The following LRMDA variants were observed in gnomAD, a reference collection of about 807,000 sequenced individuals.
The protein encoded by LRMDA is leucine rich melanocyte differentiation associated.
In LRMDA, 18 loss-of-function variants were observed where a neutral mutation model predicts 29.8. The observed-to-expected ratio is 0.60, with a 90% CI of 0.42 to 0.90. The LOEUF is 0.90. Among genes scored for constraint, LRMDA ranks in the 40% least tolerant of loss-of-function variants. The pLI is 0.00. For synonymous variants in LRMDA, 125 were observed against 109.4 expected (o/e 1.14, Z -0.89); for missense variants, 273 against 273.9 (o/e 1.00, Z 0.02).
In LRMDA at chr10:75,838,936, A is replaced by G. The variant is rs541688102; in HGVS notation, c.132-197072A>G. On this transcript the variant is annotated intron_variant, in intron 2 of 6. Coordinates refer to ENST00000611255, the MANE Select transcript of LRMDA (RefSeq NM_001305581.2). ...AGTAGGTGGGAGAGCACAACTTGATATGGCCAGTGGCAATCCAACCCCAAA... is the reference window on the plus strand; with the variant it reads ...AGTAGGTGGGAGAGCACAACTTGATGTGGCCAGTGGCAATCCAACCCCAAA... Among the ~76,000 whole-genome samples the G allele has an allele frequency of 4.3e-4, 65 of 152,306 alleles. No homozygotes were observed. In the South Asian group the frequency reaches 0.013, roughly 30 times the overall value.
At chr10:76,141,014 A>G (rs1335003604) in intron 5 of LRMDA, among the ~76,000 whole-genome samples, 1 of 152,094 alleles carries the variant, frequency 6.6e-6, no homozygotes, top group Non-Finnish European at 1.5e-5. Flanking sequence ...TCCCCTAAGA[A>G]GAGGGCAGTA....
intron 2 of LRMDA, among the ~76,000 whole-genome samples, chr10:75,996,145 T>C (rs1847457844): frequency 1.3e-5 from 2 of 152,324 alleles, no homozygotes; most frequent in South Asian, 4.1e-4. Context: ...AGAGTGATAG[T>C]GATAAAAATT....
At chr10:75,866,078 C>A (rs987035860) in intron 2 of LRMDA, among the ~76,000 whole-genome samples, 5 of 152,160 alleles carry the variant, frequency 3.3e-5, no homozygotes, top group Admixed American at 6.5e-5. Flanking sequence ...TTTATTTCTT[C>A]TCTTCTATTC....
At chr10:75,894,055 G>A (rs982620667) in intron 2 of LRMDA, among the ~76,000 whole-genome samples, 2 of 151,514 alleles carry the variant, frequency 1.3e-5, no homozygotes, top group Non-Finnish European at 2.9e-5. Flanking sequence ...ATAAGTTATT[G>A]GGGGTACAGG....
At chr10:75,713,943 C>T (rs1158233589) in intron 2 of LRMDA, among the ~76,000 whole-genome samples, 1 of 151,984 alleles carries the variant, frequency 6.6e-6, no homozygotes, top group East Asian at 1.9e-4. Flanking sequence ...TTTTATTTTT[C>T]TTAAAGTTTG....
chr10:76,162,900 G>A (rs1365239469), intron 5 of LRMDA, among the ~76,000 whole-genome samples: 1 of 152,152 alleles, frequency 6.6e-6, no homozygotes, highest in Non-Finnish European at 1.5e-5. Context: ...AGAAAGGAAT[G>A]AAAGGGAAAG....
chr10:75,527,122 A>G (rs1845422625), intron 2 of LRMDA, among the ~76,000 whole-genome samples: 1 of 152,122 alleles, frequency 6.6e-6, no homozygotes, highest in South Asian at 2.1e-4. Flanking sequence ...AAATGGAATT[A>G]TACAGTATGT....
At chr10:75,746,755 C>T (rs1466153869) in intron 2 of LRMDA, among the ~76,000 whole-genome samples, 1 of 151,618 alleles carries the variant, frequency 6.6e-6, no homozygotes, top group Non-Finnish European at 1.5e-5. Flanking sequence ...TTTGACATGG[C>T]CCTTATGGAA....
At chr10:75,548,108 A>G (rs1387288150) in intron 2 of LRMDA, among the ~76,000 whole-genome samples, 2 of 152,124 alleles carry the variant, frequency 1.3e-5, no homozygotes, top group East Asian at 3.9e-4. Flanking sequence ...AAGAAAAAAA[A>G]AAAAACACAA....
intron 2 of LRMDA, among the ~76,000 whole-genome samples, chr10:75,784,507 G>A (rs1389067416): frequency 6.6e-6 from 1 of 152,024 alleles, no homozygotes; most frequent in East Asian, 1.9e-4. Flanking sequence ...AGATCATCCT[G>A]GCTAACACGG....
At chr10:75,813,100 A>T (rs1843992609) in intron 2 of LRMDA, among the ~76,000 whole-genome samples, 1 of 152,180 alleles carries the variant, frequency 6.6e-6, no homozygotes, top group South Asian at 2.1e-4. Context: ...CAAGTGAGGG[A>T]TCACTCACGG....
chr10:76,216,852 T>C (rs1314777272), intron 5 of LRMDA, among the ~76,000 whole-genome samples: 2 of 152,206 alleles, frequency 1.3e-5, no homozygotes, highest in African/African-American at 4.8e-5. Context: ...AATACTCTTT[T>C]TCGTACCTAA....
intron 2 of LRMDA, among the ~76,000 whole-genome samples, chr10:75,754,069 T>C (rs1842997843): frequency 6.6e-6 from 1 of 152,240 alleles, no homozygotes; most frequent in Non-Finnish European, 1.5e-5. Flanking sequence ...GCCTGGATTT[T>C]ATTCTTCTGT....
intron 5 of LRMDA, among the ~76,000 whole-genome samples, chr10:76,075,213 TAGAG>T (rs1267226454): frequency 6.6e-6 from 1 of 152,202 alleles, no homozygotes; most frequent in Non-Finnish European, 1.5e-5. Context: ...CATTTGGAAG[TAGAG>T]AGCCTTTAAA....
At chr10:76,521,580 T>G (rs1843121760) in intron 6 of LRMDA, among the ~76,000 whole-genome samples, 1 of 152,204 alleles carries the variant, frequency 6.6e-6, no homozygotes, top group South Asian at 2.1e-4. Flanking sequence ...CTTTGGGGAA[T>G]TAGTTCCTTA....
chr10:76,213,817 T>C (rs182682471), intron 5 of LRMDA, among the ~76,000 whole-genome samples: 4 of 152,348 alleles, frequency 2.6e-5, no homozygotes, highest in East Asian at 1.9e-4. Context: ...GGGGACATCA[T>C]TGGAGCTTCC....
chr10:76,378,458 A>T (rs1841547550), intron 6 of LRMDA, among the ~76,000 whole-genome samples: 1 of 152,158 alleles, frequency 6.6e-6, no homozygotes, highest in Admixed American at 6.5e-5. Context: ...GTTTAGTCCC[A>T]GTTCTTAGGG....
At chr10:76,430,625 C>T (rs1051884447) in intron 6 of LRMDA, among the ~76,000 whole-genome samples, 9 of 152,132 alleles carry the variant, frequency 5.9e-5, no homozygotes, top group Non-Finnish European at 1.2e-4. Flanking sequence ...CCTAGGGAAC[C>T]ACAGTGAGTG....
chr10:76,498,578 G>A (rs1842891681), intron 6 of LRMDA, among the ~76,000 whole-genome samples: 1 of 76,196 alleles, frequency 1.3e-5, no homozygotes, highest in African/African-American at 3.2e-5. Context: ...TGTCAGCTGG[G>A]TCAATCCATT....
Sources: allele counts gnomAD v4.1 joint callset (sites outside exome capture counted in the v4.1 genomes callset), GRCh38; gene constraint gnomAD v4.1.1; transcripts MANE v1.5; gene names NCBI Gene and HGNC (gene_info 2026-07-23, HGNC 2026-07-21).